Variants in CADM2 observed in about 807,000 individuals in gnomAD.
CADM2 encodes cell adhesion molecule 2, also known as immunoglobulin superfamily member 4D.
CADM2 carries 12 observed loss-of-function variants against 49.8 expected under a neutral mutation model. The observed-to-expected ratio is 0.24, with a 90% confidence interval of 0.15 to 0.39. The LOEUF is 0.39. CADM2 is among the 10% of genes least tolerant of loss of function. The pLI is 1.00. For missense variants in CADM2, 378 were observed against 492.3 expected (o/e 0.77, Z 2.20); for synonymous variants, 214 against 175.4 (o/e 1.22, Z -1.74).
intron 1 of CADM2, among the ~76,000 whole-genome samples, chr3:85,625,304 G>C (rs2064092682): frequency 6.6e-6 from 1 of 151,830 alleles, no homozygotes; most frequent in Admixed American, 6.6e-5. Context: ...ACATTTATTT[G>C]TGTTTTGCCA....
chr3:85,509,942 C>T (rs2040536780), intron 1 of CADM2, among the ~76,000 whole-genome samples: 1 of 151,850 alleles, frequency 6.6e-6, no homozygotes, highest in Non-Finnish European at 1.5e-5. Context: ...GCCAATATTC[C>T]TATAATCATG....
intron 5 of CADM2, among the ~76,000 whole-genome samples, chr3:85,887,476 A>G (rs1042566319): frequency 6.6e-6 from 1 of 152,150 alleles, no homozygotes; most frequent in African/African-American, 2.4e-5. Flanking sequence ...AAGATTGCCT[A>G]TATTACTGAA....
chr3:85,044,822 ACT>A (rs1344974573), intron 1 of CADM2, among the ~76,000 whole-genome samples: 1 of 145,046 alleles, frequency 6.9e-6, no homozygotes, highest in Non-Finnish European at 1.5e-5. Flanking sequence ...TTTTTGGAAG[ACT>A]CTCAACTGAT....
At chr3:85,168,591 G>T (rs561786210) in intron 1 of CADM2, among the ~76,000 whole-genome samples, 3 of 152,032 alleles carry the variant, frequency 2.0e-5, no homozygotes, top group Non-Finnish European at 4.4e-5. Flanking sequence ...TGTTCATACT[G>T]ATTATATTTG....
intron 5 of CADM2, among the ~76,000 whole-genome samples, chr3:85,895,634 G>T (rs1715118794): frequency 1.3e-5 from 2 of 152,162 alleles, no homozygotes; most frequent in Admixed American, 1.3e-4. Flanking sequence ...TTGAATTGTA[G>T]CTCCCATAAT....
intron 1 of CADM2, among the ~76,000 whole-genome samples, chr3:85,296,554 A>C (rs914710762): frequency 1.3e-5 from 2 of 152,022 alleles, no homozygotes; most frequent in Admixed American, 1.3e-4. Flanking sequence ...TTCCACTACA[A>C]ATTCTGCTAC....
rs190792541 is a variant in CADM2 at position 85,884,881 on chromosome 3, C to T, written c.392-1309C>T. Among the ~76,000 whole-genome samples, 927 of 136,346 alleles carry T rather than the reference C, an allele frequency of 6.8e-3. 8 individuals are homozygous for T. The highest frequency in any genetic ancestry group is 8.5e-3 in the Non-Finnish European group (558 of 65,378). 89.4% of individuals were successfully genotyped at this position (136,346 alleles called of 152,430 possible). ...CTGGGATTACAGGCACCTGCCACCA[C>T]GCCTGGCTAATTTTTTTTTTTTTTT... On this transcript the variant is annotated intron_variant, in intron 4 of 9. Transcript: ENST00000383699.
chr3:85,289,477 T>C (rs532240338), intron 1 of CADM2, among the ~76,000 whole-genome samples: 1 of 152,338 alleles, frequency 6.6e-6, no homozygotes, highest in South Asian at 2.1e-4. Flanking sequence ...ATAAGAAATG[T>C]TGATTATCTG....
chr3:85,311,193 A>C (rs1032436342), intron 1 of CADM2, among the ~76,000 whole-genome samples: 1 of 152,092 alleles, frequency 6.6e-6, no homozygotes, highest in African/African-American at 2.4e-5. Flanking sequence ...TACACTAATA[A>C]TAGGACTCTT....
chr3:86,031,685 C>T (rs11921652), intron 8 of CADM2, among the ~76,000 whole-genome samples: 5,458 of 151,688 alleles, frequency 0.036, 325 homozygotes, highest in African/African-American at 0.12. Context: ...ATTTTATTTT[C>T]GGAATGAAAG....
Position 85,207,068 on chromosome 3 carries a change from G to GTGTT in CADM2, c.61+247403_61+247404insTTGT, listed in dbSNP as rs1425599428. 2.0e-5 allele frequency among the ~76,000 whole-genome samples: 3 copies of GTGTT among 151,886 alleles called. No homozygotes were observed. In the East Asian group the frequency reaches 5.8e-4, roughly 29 times the overall value. ...GAAATAAATGTGTGTGTGTGTGTGT[G>GTGTT]TGTGTGTGTGTGTGTGTGTATGCAT... On this transcript the variant is annotated intron_variant, in intron 1 of 9. Coordinates refer to ENST00000383699, the MANE Select transcript of CADM2 (RefSeq NM_001167675.2).
At chr3:85,833,529 GA>G (rs1305689008) in intron 3 of CADM2, among the ~76,000 whole-genome samples, 1 of 151,630 alleles carries the variant, frequency 6.6e-6, no homozygotes, top group Non-Finnish European at 1.5e-5. Flanking sequence ...GTTTGTTCAG[GA>G]TTTTTTTATT....
At chr3:85,105,955 G>C (rs1046547419) in intron 1 of CADM2, among the ~76,000 whole-genome samples, 2 of 150,794 alleles carry the variant, frequency 1.3e-5, no homozygotes, top group African/African-American at 4.9e-5. Flanking sequence ...GGGGTGGGGG[G>C]ACGGGGGAAG....
intron 1 of CADM2, among the ~76,000 whole-genome samples, chr3:85,304,895 G>T (rs546167469): frequency 6.6e-6 from 1 of 151,558 alleles, no homozygotes. Flanking sequence ...TATTTCCATA[G>T]TAAAACACAA....
chr3:85,084,889 G>A (rs2037311530), intron 1 of CADM2, among the ~76,000 whole-genome samples: 2 of 151,728 alleles, frequency 1.3e-5, no homozygotes, highest in South Asian at 2.1e-4. Context: ...CTTAATGATA[G>A]GAGACCCTTG....
At chr3:85,345,313 CAAAAAAAA>C (rs3085180) in intron 1 of CADM2, among the ~76,000 whole-genome samples, 1 of 47,176 alleles carries the variant, frequency 2.1e-5, no homozygotes, top group Non-Finnish European at 3.5e-5. Flanking sequence ...GTCTCCATCT[CAAAAAAAA>C]AAAAAAAAAA....
intron 1 of CADM2, among the ~76,000 whole-genome samples, chr3:85,087,955 G>A (rs765728290): frequency 6.6e-6 from 1 of 152,018 alleles, no homozygotes; most frequent in Non-Finnish European, 1.5e-5. Flanking sequence ...GTTTGGCTGC[G>A]GAAACAGTGT....
chr3:85,339,200 A>T (rs956994319), intron 1 of CADM2, among the ~76,000 whole-genome samples: 7 of 151,476 alleles, frequency 4.6e-5, no homozygotes, highest in African/African-American at 1.2e-4. Flanking sequence ...GGCACATAGT[A>T]AATATGCACC....
intron 1 of CADM2, among the ~76,000 whole-genome samples, chr3:85,323,945 G>C (rs547628472): frequency 6.6e-6 from 1 of 152,252 alleles, no homozygotes; most frequent in Non-Finnish European, 1.5e-5. Flanking sequence ...ATTGTTGAGG[G>C]CACCTTACGA....
Sources: allele counts gnomAD v4.1 joint callset (sites outside exome capture counted in the v4.1 genomes callset), GRCh38; gene constraint gnomAD v4.1.1; transcripts MANE v1.5; gene names NCBI Gene and HGNC (gene_info 2026-07-23, HGNC 2026-07-21).